Variants in RABGAP1L observed in about 807,000 individuals in gnomAD.
The protein encoded by RABGAP1L is RAB GTPase activating protein 1 like.
A neutral mutation model predicts 137.7 loss-of-function variants in RABGAP1L; 63 were observed. That is an observed-to-expected ratio of 0.46 (90% CI 0.37 to 0.56). The LOEUF (loss-of-function observed/expected upper bound fraction) is 0.56. RABGAP1L is among the 20% of genes least tolerant of loss of function. The pLI, the probability that RABGAP1L is intolerant of heterozygous loss-of-function variation, is 0.00. For missense variants in RABGAP1L, 1,095 were observed against 1,244.0 expected, an observed-to-expected ratio of 0.88 and a Z score of 1.80; for synonymous variants, 431 against 433.7, an observed-to-expected ratio of 0.99 and a Z score of 0.08.
At chr1:174,362,751 TTTG>T (rs1289248257) in intron 11 of RABGAP1L, among the ~76,000 whole-genome samples, 2 of 152,104 alleles carry the variant, frequency 1.3e-5, no homozygotes, top group Non-Finnish European at 2.9e-5. Flanking sequence ...TTGATAGTGT[TTTG>T]TTGTTGTTGT....
chr1:174,344,938 C>A (rs1234891532), intron 11 of RABGAP1L, among the ~76,000 whole-genome samples: 3 of 152,106 alleles, frequency 2.0e-5, no homozygotes, highest in Non-Finnish European at 4.4e-5. Flanking sequence ...AGATTTAAAT[C>A]TTTAATCCAT....
intron 18 of RABGAP1L, among the ~76,000 whole-genome samples, chr1:174,811,213 G>A (rs531551776): frequency 6.6e-6 from 1 of 152,158 alleles, no homozygotes; most frequent in African/African-American, 2.4e-5. Context: ...TGGTTTTTTA[G>A]TTTTTGAAGA....
chr1:174,424,932 AT>A (rs1294533268), intron 13 of RABGAP1L, among the ~76,000 whole-genome samples: 1 of 152,088 alleles, frequency 6.6e-6, no homozygotes, highest in African/African-American at 2.4e-5. Context: ...ATCTTTAAGC[AT>A]TTAGAACAGA....
intron 19 of RABGAP1L, among the ~76,000 whole-genome samples, chr1:174,821,128 C>T (rs1690981619): frequency 6.6e-6 from 1 of 152,076 alleles, no homozygotes; most frequent in Non-Finnish European, 1.5e-5. Context: ...ATTTACTTCT[C>T]TTTGTCCTAA....
At chr1:174,926,268 TTTCTC>T (rs1289157001) in intron 19 of RABGAP1L, among the ~76,000 whole-genome samples, 12 of 152,200 alleles carry the variant, frequency 7.9e-5, no homozygotes, top group African/African-American at 2.9e-4. Context: ...TCTTGGTCCT[TTTCTC>T]TTCAGTAAGA....
intron 13 of RABGAP1L, among the ~76,000 whole-genome samples, chr1:174,549,344 A>G (rs1666258285): frequency 1.3e-5 from 2 of 152,196 alleles, no homozygotes; most frequent in Admixed American, 6.5e-5. Flanking sequence ...TAGAAAGTAA[A>G]CTCAACAAAA....
At chr1:174,472,584 C>T (rs186872596) in intron 13 of RABGAP1L, among the ~76,000 whole-genome samples, 24 of 152,252 alleles carry the variant, frequency 1.6e-4, no homozygotes, top group Admixed American at 1.4e-3. Flanking sequence ...CACATACTTC[C>T]GAATCTTCTC....
At chr1:174,289,258 G>A (rs907988933) in intron 10 of RABGAP1L, among the ~76,000 whole-genome samples, 2 of 152,174 alleles carry the variant, frequency 1.3e-5, no homozygotes, top group Non-Finnish European at 2.9e-5. Context: ...GCTTAGGCTT[G>A]TCTTGAATTC....
chr1:174,769,788 G>T (rs1558060916), intron 18 of RABGAP1L, among the ~76,000 whole-genome samples: 1 of 151,998 alleles, frequency 6.6e-6, no homozygotes, highest in Non-Finnish European at 1.5e-5. Flanking sequence ...AGGAGGCAGA[G>T]CTTGCAGTGA....
At chr1:174,792,713 C>G (rs1020866031) in intron 18 of RABGAP1L, among the ~76,000 whole-genome samples, 10 of 152,314 alleles carry the variant, frequency 6.6e-5, no homozygotes, top group African/African-American at 2.4e-4. Flanking sequence ...GCAACTAAAA[C>G]TATATATAAC....
chr1:174,857,780 A>AGT (rs779168520), intron 19 of RABGAP1L, among the ~76,000 whole-genome samples: 1 of 152,164 alleles, frequency 6.6e-6, no homozygotes, highest in Non-Finnish European at 1.5e-5. Context: ...TAATTTTAAG[A>AGT]GTGTGTGTAT....
At chr1:174,590,341 T>C (rs1324035432) in intron 13 of RABGAP1L, among the ~76,000 whole-genome samples, 1 of 136,138 alleles carries the variant, frequency 7.3e-6, no homozygotes, top group Non-Finnish European at 1.6e-5. Context: ...TTTTTCTTTT[T>C]TTTTTTATTT....
At chr1:174,549,948 C>T (rs1251131313) in intron 13 of RABGAP1L, among the ~76,000 whole-genome samples, 1 of 152,142 alleles carries the variant, frequency 6.6e-6, no homozygotes, top group Non-Finnish European at 1.5e-5. Flanking sequence ...GGGAGCATTG[C>T]TTGAGCCCAT....
intron 13 of RABGAP1L, among the ~76,000 whole-genome samples, chr1:174,572,177 C>T (rs775461638): frequency 1.3e-5 from 2 of 152,156 alleles, no homozygotes; most frequent in Admixed American, 6.5e-5. Context: ...ACATGGACTA[C>T]GGAGTAAGAC....
chr1:174,816,839 C>A (rs72717618), intron 19 of RABGAP1L, among the ~76,000 whole-genome samples: 31,615 of 150,290 alleles, frequency 0.21, 3,609 homozygotes, highest in Admixed American at 0.25. Flanking sequence ...TCAAGCAGTT[C>A]CCCTGCCCAG....
At chr1:174,929,133 G>A (rs1354887227) in intron 19 of RABGAP1L, among the ~76,000 whole-genome samples, 2 of 152,008 alleles carry the variant, frequency 1.3e-5, no homozygotes, top group African/African-American at 4.8e-5. Context: ...GTTAATGGGT[G>A]CAGCACACCA....
At chr1:174,822,822 A>G (rs1025196434) in intron 19 of RABGAP1L, among the ~76,000 whole-genome samples, 4 of 152,240 alleles carry the variant, frequency 2.6e-5, no homozygotes, top group African/African-American at 9.6e-5. Context: ...CCCCTGAGCT[A>G]GAACACATTT....
chr1:174,439,923 A>G (rs1254692494), intron 13 of RABGAP1L, among the ~76,000 whole-genome samples: 1 of 152,218 alleles, frequency 6.6e-6, no homozygotes, highest in East Asian at 1.9e-4. Flanking sequence ...TGAATGAAGT[A>G]AATAATTATA....
intron 14 of RABGAP1L, among the ~76,000 whole-genome samples, chr1:174,672,730 G>A (rs937796962): frequency 2.1e-4 from 32 of 151,774 alleles, no homozygotes; most frequent in African/African-American, 7.8e-4. Flanking sequence ...TTGTTCAGGA[G>A]CATGCTGTTT....
Sources: allele counts gnomAD v4.1 joint callset (sites outside exome capture counted in the v4.1 genomes callset), GRCh38; gene constraint gnomAD v4.1.1; transcripts MANE v1.5; gene names NCBI Gene and HGNC (gene_info 2026-07-23, HGNC 2026-07-21).